CKAP5: variants seen among roughly 807,000 people sequenced by gnomAD.
CKAP5 encodes the protein cytoskeleton-associated protein 5.
Under a neutral mutation model 232.8 loss-of-function variants are expected in CKAP5, and 27 were observed. That is an observed-to-expected ratio of 0.12 (90% CI 0.09 to 0.16). CKAP5 has a LOEUF of 0.16. CKAP5 is among the 10% of genes least tolerant of loss of function. The probability of loss-of-function intolerance (pLI) is 1.00; values close to 1 mark genes in which losing one functional copy is unlikely to be tolerated. For synonymous variants in CKAP5, 785 were observed against 841.1 expected, an observed-to-expected ratio of 0.93 and a Z score of 1.16; for missense variants, 1,838 against 2,424.7, an observed-to-expected ratio of 0.76 and a Z score of 5.08.
chr11:46,768,591 A>AT (rs917613134), intron 26 of CKAP5, among the ~76,000 whole-genome samples: 45 of 147,992 alleles, frequency 3.0e-4, no homozygotes, highest in Admixed American at 4.1e-4. Context: ...CACAGGTAAA[A>AT]TTTTTTTTTT....
intron 28 of CKAP5, among the ~76,000 whole-genome samples, chr11:46,764,463 G>C (rs954452522): frequency 1.3e-5 from 2 of 152,096 alleles, no homozygotes; most frequent in Non-Finnish European, 2.9e-5. Flanking sequence ...ACACAGATAC[G>C]AATGATCTTT....
intron 8 of CKAP5, 145 bp downstream of exon 8, chr11:46,807,886 C>A: frequency 1.9e-6 from 1 of 537,072 alleles, no homozygotes; most frequent in Non-Finnish European, 3.2e-6. Context: ...TTAAAACAAC[C>A]CTTTAAAAAT....
chr11:46,770,228 G>T, intron 25 of CKAP5, 130 bp from the exon 26 acceptor site: 1 of 858,260 alleles, frequency 1.2e-6, no homozygotes, highest in Non-Finnish European at 1.9e-6. Flanking sequence ...AAGTAAGGGA[G>T]GCAGTACATG....
At chr11:46,844,177 G>A (rs961600752) in intron 1 of CKAP5, among the ~76,000 whole-genome samples, 4 of 150,634 alleles carry the variant, frequency 2.7e-5, no homozygotes, top group African/African-American at 4.9e-5. Flanking sequence ...AGCTGAGATC[G>A]CACCACTGCA....
intron 1 of CKAP5, among the ~76,000 whole-genome samples, chr11:46,845,305 T>C (rs1940159914): frequency 6.6e-6 from 1 of 152,182 alleles, no homozygotes; most frequent in East Asian, 1.9e-4. Context: ...GAGAATTAAA[T>C]TAGAGCCACG....
chr11:46,824,239 C>T (rs553415977), intron 1 of CKAP5, among the ~76,000 whole-genome samples: 1 of 152,274 alleles, frequency 6.6e-6, no homozygotes, highest in East Asian at 1.9e-4. Flanking sequence ...GTGGAACTTT[C>T]ATTAAGATTT....
chr11:46,744,316 A>G, intron 43 of CKAP5, 51 bp from the exon 44 acceptor site: 4 of 1,612,768 alleles, frequency 2.5e-6, no homozygotes, highest in Non-Finnish European at 3.4e-6. Context: ...GCAGGTCAAG[A>G]TGCAGCTCCA....
chr11:46,821,165 AG>A lies in CKAP5; in HGVS notation c.57+9del. On this transcript the variant is annotated intron_variant, in intron 2 of 43. Transcript: ENST00000529230. The stretch of plus-strand genomic sequence containing the variant: ...ACGACACTGAAAATCGAATTCCAGA[AG>A]AATCTTACCTTGTGTTCACATTTCT... 1 of 1,604,998 alleles carries A rather than the reference AG, an allele frequency of 6.2e-7. No individual in the cohort carries two copies. The highest frequency in any genetic ancestry group is 1.7e-4 in the Middle Eastern group (1 of 6,046).
chr11:46,772,314 T>C (rs997530691), intron 24 of CKAP5, among the ~76,000 whole-genome samples: 1 of 152,190 alleles, frequency 6.6e-6, no homozygotes, highest in African/African-American at 2.4e-5. Flanking sequence ...AATTTTCATG[T>C]GGTCCAATTT....
At chr11:46,838,458 G>A (rs1565760963) in intron 1 of CKAP5, among the ~76,000 whole-genome samples, 2 of 151,530 alleles carry the variant, frequency 1.3e-5, no homozygotes, top group African/African-American at 2.4e-5. Flanking sequence ...GCAACATACT[G>A]AGACTGTGTC....
chr11:46,769,946 T>G lies in CKAP5; in HGVS notation c.3322+17A>C. 4 of 1,613,830 alleles carry G rather than the reference T, an allele frequency of 2.5e-6. No individual in the cohort carries two copies. Among genetic ancestry groups the G allele is most frequent in the Non-Finnish European group, 3.4e-6 (4 of 1,179,792 alleles). On this transcript the variant is annotated intron_variant, in intron 26 of 43. Coordinates refer to ENST00000529230, the MANE Select transcript of CKAP5 (RefSeq NM_001008938.4). ...GGGCTATTTCCTTCCCCTTTAACCT[T>G]CTTAAGATAGAGTTACCTGATGCAG...
intron 9 of CKAP5, 70 bp from the exon 10 acceptor site, chr11:46,798,242 A>G (rs1039685759): frequency 1.7e-5 from 19 of 1,091,994 alleles, no homozygotes; most frequent in Non-Finnish European, 2.5e-5. Flanking sequence ...ATCCTAGAAC[A>G]TGGCTGAACC....
rs111853347 is a variant in CKAP5 at position 46,807,884 on chromosome 11, A to G, written c.978+147T>C. On this transcript the variant is annotated intron_variant, in intron 8 of 43. Transcript: ENST00000529230. ...TAACCCACAACAGGAATTTAAAACA[A>G]CCCTTTAAAAATGTATGTCTGTAAT... 557 of 540,596 alleles carry G rather than the reference A, an allele frequency of 1.0e-3. 3 individuals carry two copies. The highest frequency in any genetic ancestry group is 9.4e-3 in the African/African-American group (493 of 52,170). The allele number at this position is 540,596 out of a possible 1,614,324, so 33.5% of individuals were successfully genotyped here.
intron 15 of CKAP5, 57 bp from the exon 16 acceptor site, chr11:46,788,830 G>A (rs2065421470): frequency 1.6e-6 from 2 of 1,245,732 alleles, no homozygotes; most frequent in Non-Finnish European, 2.3e-6. Context: ...TCCAAAGGAA[G>A]AGTAAATACC....
intron 32 of CKAP5, 45 bp from the exon 33 acceptor site, chr11:46,760,829 A>C: frequency 6.5e-7 from 1 of 1,526,770 alleles, no homozygotes. Context: ...TAACACAATA[A>C]TATCTATTTT....
At chr11:46,761,916 G>A in intron 32 of CKAP5, 84 bp downstream of exon 32, 1 of 1,143,332 alleles carries the variant, frequency 8.7e-7, no homozygotes, top group Non-Finnish European at 1.3e-6. Flanking sequence ...CTTAGCTACA[G>A]TTGAGAGGAC....
intron 1 of CKAP5, among the ~76,000 whole-genome samples, chr11:46,840,655 G>A (rs961245137): frequency 6.6e-6 from 1 of 152,206 alleles, no homozygotes; most frequent in Non-Finnish European, 1.5e-5. Flanking sequence ...CTGGAGCGTG[G>A]TGTGCCCAGA....
At chr11:46,783,966 A>G (rs1398791590) in intron 17 of CKAP5, among the ~76,000 whole-genome samples, 1 of 150,284 alleles carries the variant, frequency 6.7e-6, no homozygotes, top group Non-Finnish European at 1.5e-5. Flanking sequence ...TCGGCCTCCC[A>G]AAGTGCTGGG....
At chr11:46,802,637 A>C (rs1016558919) in intron 8 of CKAP5, among the ~76,000 whole-genome samples, 1 of 151,738 alleles carries the variant, frequency 6.6e-6, no homozygotes, top group Non-Finnish European at 1.5e-5. Flanking sequence ...TTTATTTTTA[A>C]ATGCCCCCAA....
Sources: allele counts gnomAD v4.1 joint callset (sites outside exome capture counted in the v4.1 genomes callset), GRCh38; gene constraint gnomAD v4.1.1; transcripts MANE v1.5; gene names NCBI Gene and HGNC (gene_info 2026-07-23, HGNC 2026-07-21).